GPSM2: variants seen among roughly 807,000 people sequenced by gnomAD.
GPSM2 encodes G protein-signaling modulator 2.
GPSM2 carries 58 observed loss-of-function variants against 78.4 expected under a neutral mutation model. The ratio of observed to expected loss-of-function variants is 0.74; its 90% CI spans 0.60 to 0.92. GPSM2 has a LOEUF of 0.92. Among genes scored for constraint, GPSM2 ranks in the 40% least tolerant of loss-of-function variants. The pLI is 0.00. For synonymous variants in GPSM2, 224 were observed against 280.2 expected (o/e 0.80, Z 2.00); for missense variants, 700 against 815.5 (o/e 0.86, Z 1.73).
chr1:108,914,710 G>A (rs1260026646), intron 11 of GPSM2, among the ~76,000 whole-genome samples: 1 of 152,176 alleles, frequency 6.6e-6, no homozygotes, highest in Admixed American at 6.5e-5. Flanking sequence ...GTCTGGGTTA[G>A]GCTAGAAATA....
intron 12 of GPSM2, 69 bp from the exon 13 acceptor site, chr1:108,922,348 A>T (rs1650775367): frequency 1.8e-6 from 2 of 1,102,736 alleles, no homozygotes; most frequent in East Asian, 2.3e-5. Flanking sequence ...ATGCATCATG[A>T]TGTTCATTGA....
Position 108,924,048 on chromosome 1 carries a change from T to A in GPSM2, c.1649T>A (p.Leu550His), listed in dbSNP as rs751321528. 11 of 1,613,704 alleles carry A rather than the reference T, an allele frequency of 6.8e-6. No homozygotes were observed. Among genetic ancestry groups the A allele is most frequent in the Middle Eastern group, 1.6e-4 (1 of 6,082 alleles). Residue 550 changes from leucine (L) to histidine (H), a missense_variant, in exon 14 of 15, where the codon CTT becomes CAT. Transcript: ENST00000264126. The stretch of plus-strand genomic sequence containing the variant: ...CCCAACACGGATGAGTTTTTAGATC[T>A]TCTTGCCAGCTCACAGAGTCGCCGT... ...VSPNTDEFLD[L>H]LASSQSRRLD...
chr1:108,900,427 C>T lies in GPSM2; in HGVS notation c.798-1363C>T, dbSNP rs181187799. ...CTAATTTTTGTATTTTTAGTAGAGA[C>T]GGGGTTTCGCCATGTTGGCCAGGCT... On this transcript the variant is annotated intron_variant, in intron 7 of 14. Transcript: ENST00000264126. Among the ~76,000 whole-genome samples the T allele has an allele frequency of 7.9e-5, 12 of 151,882 alleles. No individual in the cohort carries two copies. The South Asian group carries it at 1.0e-3, about 13-fold the overall frequency.
At position 108,931,102 on chromosome 1, in the gene GPSM2, A is replaced by T. The variant is rs1651875806; in HGVS notation, c.*1162A>T. The T allele has an allele frequency of 1.1e-5, 4 of 348,188 alleles. No homozygotes were observed. Among genetic ancestry groups the T allele is most frequent in the Middle Eastern group, 8.6e-4 (1 of 1,164 alleles). The allele number at this position is 348,188 out of a possible 1,614,324, so 21.6% of individuals were successfully genotyped here. A position where few individuals can be genotyped will look rare whatever the true frequency, so the allele number is the denominator to read the frequency against. On this transcript the variant is annotated 3_prime_UTR_variant, in exon 15 of 15. Coordinates refer to ENST00000264126, the MANE Select transcript of GPSM2 (RefSeq NM_013296.5). ...TTTGGGCTGTTTAAAAAAATTATTT[A>T]AAATGGTCTCTTCTGTTCCATAATA...
Position 108,901,913 on chromosome 1 carries a change from G to A in GPSM2, c.921G>A (p.Lys307=), listed in dbSNP as rs1648858649. 3.1e-6 allele frequency: 5 copies of A among 1,611,922 alleles called. No individual in the cohort carries two copies. The South Asian group carries it at 5.5e-5, about 18-fold the overall frequency. Reference sequence around the variant, plus strand: ...AAAAGGCCATTGATTATCATCTGAAGCACTTAGCAATTGCTCAAGAGCTGA... The same window carrying A: ...AAAAGGCCATTGATTATCATCTGAAACACTTAGCAATTGCTCAAGAGCTGA... ...DYEKAIDYHL[K]HLAIAQELND... is the part of the protein sequence containing the mutation. Residue 307 remains lysine, a synonymous_variant, in exon 8 of 15, where the codon AAG becomes AAA. Coordinates refer to ENST00000264126, the MANE Select transcript of GPSM2 (RefSeq NM_013296.5).
intron 2 of GPSM2, among the ~76,000 whole-genome samples, chr1:108,886,542 A>C (rs1363262656): frequency 6.6e-6 from 1 of 152,262 alleles, no homozygotes; most frequent in Non-Finnish European, 1.5e-5. Context: ...TTGGATGCCC[A>C]AATGGATTGT....
rs140118103 is a variant in GPSM2, at chr1:108,893,546, C to A, written c.57-3318C>A. Among the ~76,000 whole-genome samples, 95 of 152,168 alleles carry A rather than the reference C, an allele frequency of 6.2e-4. 1 individual carries two copies. The highest frequency in any genetic ancestry group is 6.8e-3 in the Middle Eastern group (2 of 294). On this transcript the variant is annotated intron_variant, in intron 2 of 14. Coordinates refer to ENST00000264126, the MANE Select transcript of GPSM2 (RefSeq NM_013296.5). ...AATTTGTGTAAGTATACCTTAAGAT[C>A]AATTCTTAGCACTGAAAATGCTTGA...
intron 11 of GPSM2, among the ~76,000 whole-genome samples, chr1:108,915,421 CTTT>C (rs1187504374): frequency 6.9e-6 from 1 of 145,482 alleles, no homozygotes; most frequent in Non-Finnish European, 1.5e-5. Flanking sequence ...ATTTTTATTT[CTTT>C]TTTTTCTTTT....
At chr1:108,891,972 A>C (rs1378711515) in intron 2 of GPSM2, among the ~76,000 whole-genome samples, 4 of 152,326 alleles carry the variant, frequency 2.6e-5, no homozygotes, top group African/African-American at 9.6e-5. Flanking sequence ...TTCCTTTTAC[A>C]TAATAAATGA....
chr1:108,881,170 G>GA (rs1274176127), intron 1 of GPSM2, among the ~76,000 whole-genome samples: 1 of 152,112 alleles, frequency 6.6e-6, no homozygotes, highest in Non-Finnish European at 1.5e-5. Context: ...CCGGGATATG[G>GA]AAAAAATGAT....
chr1:108,931,226 CAG>C lies in GPSM2; in HGVS notation c.*1288_*1289del. On this transcript the variant is annotated 3_prime_UTR_variant, in exon 15 of 15. Coordinates refer to ENST00000264126, the MANE Select transcript of GPSM2 (RefSeq NM_013296.5). Reference sequence around the variant, plus strand: ...CTAGGACACATAAACAAACAGAAAACAGATGAAAACTCACAAAAATTAAATAT... The same window carrying C: ...CTAGGACACATAAACAAACAGAAAACATGAAAACTCACAAAAATTAAATAT... 1 of 1,340,044 alleles carries C rather than the reference CAG, an allele frequency of 7.5e-7. No homozygotes were observed. The highest frequency in any genetic ancestry group is 1.6e-5 in the South Asian group (1 of 63,800). The allele number at this position is 1,340,044 out of a possible 1,614,324, so 83.0% of individuals were successfully genotyped here.
chr1:108,928,489 A>G (rs2101566867), intron 14 of GPSM2, among the ~76,000 whole-genome samples: 1 of 152,316 alleles, frequency 6.6e-6, no homozygotes, highest in South Asian at 2.1e-4. Context: ...GCAGTAAATA[A>G]CTGCACCCTC....
rs556615820 is a variant in GPSM2, at chr1:108,927,407, A to C, written c.1816-2294A>C. 2.6e-5 allele frequency among the ~76,000 whole-genome samples: 4 copies of C among 152,344 alleles called. No individual in the cohort carries two copies. The South Asian group carries it at 6.2e-4, about 24-fold the overall frequency. On this transcript the variant is annotated intron_variant, in intron 14 of 14. Coordinates refer to ENST00000264126, the MANE Select transcript of GPSM2 (RefSeq NM_013296.5). ...TTTCAGGTTATTACAAAGCTACATT[A>C]ATCAAAGCAGTGCAGTACTGGCATA...
chr1:108,914,378 T>C lies in GPSM2; in HGVS notation c.1233T>C (p.Asn411=). ...TGGGACGCCGGCATAGTATGGAAAATATGGAACTTATGAAGTTAACACCAG... is the reference window on the plus strand; with the variant it reads ...TGGGACGCCGGCATAGTATGGAAAACATGGAACTTATGAAGTTAACACCAG... ...PKLGRRHSME[N]MELMKLTPEK... The change falls in exon 11 of 15, where the codon AAT becomes AAC. Residue 411 remains asparagine (N), a synonymous_variant. Coordinates refer to ENST00000264126, the MANE Select transcript of GPSM2 (RefSeq NM_013296.5). 2 of 1,612,294 alleles carry C rather than the reference T, an allele frequency of 1.2e-6. No individual in the cohort carries two copies. The highest frequency in any genetic ancestry group is 2.2e-5 in the South Asian group (2 of 90,944).
intron 8 of GPSM2, among the ~76,000 whole-genome samples, chr1:108,902,164 G>A (rs1391604006): frequency 6.6e-6 from 1 of 151,900 alleles, no homozygotes; most frequent in Non-Finnish European, 1.5e-5. Context: ...CAATGACTAG[G>A]TCCCAAACTC....
chr1:108,881,951 ATTTTG>A (rs1249510111), intron 1 of GPSM2, among the ~76,000 whole-genome samples: 1 of 152,214 alleles, frequency 6.6e-6, no homozygotes, highest in African/African-American at 2.4e-5. Context: ...TGAGAACAAT[ATTTTG>A]TTTTATTTTT....
intron 14 of GPSM2, among the ~76,000 whole-genome samples, chr1:108,925,049 T>TATC (rs1219481345): frequency 6.6e-6 from 1 of 152,218 alleles, no homozygotes; most frequent in Non-Finnish European, 1.5e-5. Context: ...TTAGCTATTA[T>TATC]ATCAGTTATA....
chr1:108,900,792 A>G (rs1648747516), intron 7 of GPSM2, among the ~76,000 whole-genome samples: 1 of 152,242 alleles, frequency 6.6e-6, no homozygotes, highest in African/African-American at 2.4e-5. Context: ...ATAAGTAGGT[A>G]GCCTCCCAAG....
intron 4 of GPSM2, 67 bp downstream of exon 4, chr1:108,897,694 TTTAA>T: frequency 7.5e-7 from 1 of 1,339,324 alleles, no homozygotes; most frequent in Non-Finnish European, 1.1e-6. Flanking sequence ...TTTAATACTA[TTTAA>T]TTATTCTATA....
Sources: allele counts gnomAD v4.1 joint callset (sites outside exome capture counted in the v4.1 genomes callset), GRCh38; gene constraint gnomAD v4.1.1; transcripts MANE v1.5; gene names NCBI Gene and HGNC (gene_info 2026-07-23, HGNC 2026-07-21).